Variants in KCNQ1 observed in about 807,000 individuals in gnomAD.
The protein encoded by KCNQ1 is potassium voltage-gated channel subfamily KQT member 1.
KCNQ1 carries 49 observed loss-of-function variants against 72.4 expected under a neutral mutation model. The observed-to-expected ratio is 0.68, with a 90% CI of 0.54 to 0.86. KCNQ1 has a LOEUF of 0.86. Among genes scored for constraint, KCNQ1 ranks in the 40% least tolerant of loss-of-function variants. The pLI, the probability that KCNQ1 is intolerant of heterozygous loss-of-function variation, is 0.00. For missense variants in KCNQ1, 790 were observed against 945.1 expected, an observed-to-expected ratio of 0.84 and a Z score of 2.15; for synonymous variants, 450 against 412.6, an observed-to-expected ratio of 1.09 and a Z score of -1.10.
chr11:2,696,884 TTTTG>T, intron 11 of KCNQ1: 1 of 398,578 alleles, frequency 2.5e-6, no homozygotes, highest in Non-Finnish European at 4.4e-6. Context: ...TGTGGTTTGT[TTTTG>T]TTTTTTGTTT....
intron 1 of KCNQ1, among the ~76,000 whole-genome samples, chr11:2,510,801 G>A (rs1404442158): frequency 6.6e-6 from 1 of 152,186 alleles, no homozygotes; most frequent in Non-Finnish European, 1.5e-5. Context: ...ACGCTCAGAT[G>A]CACTCCTGGG....
chr11:2,619,394 T>C (rs1400981227), intron 10 of KCNQ1: 20 of 398,474 alleles, frequency 5.0e-5, no homozygotes, highest in Non-Finnish European at 3.5e-5. Flanking sequence ...GATGTTCAAC[T>C]TCATCAAATA....
At chr11:2,587,837 GGCCATACACCCGAT>G in intron 9 of KCNQ1, 145 bp downstream of exon 9, 3 of 1,165,988 alleles carry the variant, frequency 2.6e-6, no homozygotes, top group Non-Finnish European at 3.7e-6. Context: ...CGGGACACTG[GGCCATACACCCGAT>G]GCTAGGTTCC....
intron 1 of KCNQ1, among the ~76,000 whole-genome samples, chr11:2,512,353 C>T (rs1005245193): frequency 6.6e-6 from 1 of 152,170 alleles, no homozygotes; most frequent in African/African-American, 2.4e-5. Context: ...AAAAGGGATG[C>T]CCCCGAGATG....
rs1423119053 is a variant in KCNQ1, at chr11:2,715,085, C to T, written c.1514+53004C>T. Among the ~76,000 whole-genome samples, 1 of 152,092 alleles carries T rather than the reference C, an allele frequency of 6.6e-6. No homozygotes were observed. Among genetic ancestry groups the T allele is most frequent in the African/African-American group, 2.4e-5 (1 of 41,390 alleles). The stretch of plus-strand genomic sequence containing the variant: ...AGGGTGGGGTCCGGCGGTAATGCCA[C>T]TGATGATACTTGGCGAGGATGACCG... On this transcript the variant is annotated intron_variant, in intron 11 of 15. Transcript: ENST00000155840. The surrounding 1 kb of genome is among the most constrained non-coding windows in gnomAD (Gnocchi z 4.9).
intron 10 of KCNQ1, chr11:2,660,913 T>C (rs1393408616): frequency 2.5e-6 from 1 of 398,546 alleles, no homozygotes; most frequent in Non-Finnish European, 4.4e-6. Flanking sequence ...AGCTTAAAAC[T>C]ATAAGAGCCT....
intron 11 of KCNQ1, among the ~76,000 whole-genome samples, chr11:2,716,372 GC>G (rs545061312): frequency 8.3e-4 from 126 of 152,320 alleles, no homozygotes; most frequent in African/African-American, 2.9e-3. Context: ...TGCGTGGTCA[GC>G]TGGCCAAGCC....
chr11:2,667,579 G>C, intron 11 of KCNQ1: 1 of 395,098 alleles, frequency 2.5e-6, no homozygotes, highest in Non-Finnish European at 4.4e-6. Context: ...GGGGCAGGGG[G>C]TCGGGGCGGG....
rs577650130 is a variant in KCNQ1 at position 2,762,187 on chromosome 11, G to A, written c.1515-6657G>A. 2.0e-5 allele frequency among the ~76,000 whole-genome samples: 3 copies of A among 152,320 alleles called. No homozygotes were observed. In the South Asian group the frequency reaches 6.2e-4, roughly 32 times the overall value. On this transcript the variant is annotated intron_variant, in intron 11 of 15. Coordinates refer to ENST00000155840, the MANE Select transcript of KCNQ1 (RefSeq NM_000218.3). The surrounding 1 kb of genome is among the most constrained non-coding windows in gnomAD (Gnocchi z 4.3). ...TCTCGTGTGTCAGGCCTGGGAGGGG[G>A]GCCTTCATGAGACCATCACGGAGAT...
At chr11:2,520,967 C>G (rs1295595561) in intron 1 of KCNQ1, among the ~76,000 whole-genome samples, 1 of 152,134 alleles carries the variant, frequency 6.6e-6, no homozygotes, top group African/African-American at 2.4e-5. Context: ...TTGAACATTG[C>G]TCGATCTCAT....
rs529783506 is a variant in KCNQ1, at chr11:2,543,998, C to T, written c.477+15980C>T. On this transcript the variant is annotated intron_variant, in intron 2 of 15. Coordinates refer to ENST00000155840, the MANE Select transcript of KCNQ1 (RefSeq NM_000218.3). The surrounding 1 kb of genome is among the most constrained non-coding windows in gnomAD (Gnocchi z 5.6). ...CTGGGATTGTTACAGCCCTATAATA[C>T]GGTTAAAATAAGTTAGGGTAATTTA... 2.0e-3 allele frequency among the ~76,000 whole-genome samples: 297 copies of T among 152,240 alleles called. No homozygotes were observed. Among genetic ancestry groups the T allele is most frequent in the African/African-American group, 6.7e-3 (278 of 41,534 alleles).
At chr11:2,632,193 A>AAG in intron 10 of KCNQ1, 2 of 397,798 alleles carry the variant, frequency 5.0e-6, no homozygotes, top group East Asian at 7.1e-5. Context: ...AAAAAAAAAA[A>AAG]AAAAAAAAAA....
intron 10 of KCNQ1, among the ~76,000 whole-genome samples, chr11:2,605,305 A>G (rs967250115): frequency 6.6e-6 from 1 of 152,136 alleles, no homozygotes; most frequent in South Asian, 2.1e-4. Context: ...GAAGTCCAAT[A>G]TATCTACTTT....
chr11:2,635,741 G>A (rs1166518252), intron 10 of KCNQ1: 4 of 152,268 alleles, frequency 2.6e-5, no homozygotes, highest in Admixed American at 1.3e-4. Context: ...TAGCTTGATG[G>A]GGATGGCATT....
chr11:2,802,461 T>A (rs889427682), intron 15 of KCNQ1, among the ~76,000 whole-genome samples: 12 of 152,214 alleles, frequency 7.9e-5, no homozygotes, highest in Non-Finnish European at 1.5e-4. Flanking sequence ...GCCTGCCCAA[T>A]GTCTATTAAT....
In KCNQ1 at chr11:2,725,270, A is replaced by G. The variant is rs953343389; in HGVS notation, c.1515-43574A>G. On this transcript the variant is annotated intron_variant, in intron 11 of 15. Coordinates refer to ENST00000155840, the MANE Select transcript of KCNQ1 (RefSeq NM_000218.3). The surrounding 1 kb of genome is among the most constrained non-coding windows in gnomAD (Gnocchi z 7.2). ...CCGGGACAGACGGCTGGACTTGTGA[A>G]ACACTCCAGGGTCGGGGGCTCAGCC... 6.6e-6 allele frequency among the ~76,000 whole-genome samples: 1 copy of G among 152,202 alleles called. No homozygotes were observed. Among genetic ancestry groups the G allele is most frequent in the African/African-American group, 2.4e-5 (1 of 41,458 alleles).
intron 10 of KCNQ1, chr11:2,637,309 G>T (rs1328512629): frequency 2.6e-5 from 4 of 152,068 alleles, no homozygotes; most frequent in African/African-American, 9.7e-5. Context: ...GCTTTCTCTT[G>T]TGGGCATTTA....
At chr11:2,675,480 A>C (rs1850277447) in intron 11 of KCNQ1, 2 of 398,698 alleles carry the variant, frequency 5.0e-6, no homozygotes, top group South Asian at 2.5e-4. Context: ...TAAAAACGTA[A>C]ATATTTCATG....
Position 2,659,073 on chromosome 11 carries a change from C to A in KCNQ1, c.1394-2888C>A, listed in dbSNP as rs185801652. 1.8e-4 allele frequency: 70 copies of A among 398,594 alleles called. No homozygotes were observed. Among genetic ancestry groups the A allele is most frequent in the South Asian group, 7.6e-4 (6 of 7,850 alleles). 24.7% of individuals were successfully genotyped at this position (398,594 alleles called of 1,614,324 possible). On this transcript the variant is annotated intron_variant, in intron 10 of 15. Coordinates refer to ENST00000155840, the MANE Select transcript of KCNQ1 (RefSeq NM_000218.3). The surrounding 1 kb of genome is among the most constrained non-coding windows in gnomAD (Gnocchi z 4.3). ...TTGTTTGTAACACGCTCATCATAGT[C>A]TGCTTTTCATCGTAGGGTCCTCCAA...
Sources: allele counts gnomAD v4.1 joint callset (sites outside exome capture counted in the v4.1 genomes callset), GRCh38; gene constraint gnomAD v4.1.1; non-coding constraint Gnocchi (gnomAD v3.1); transcripts MANE v1.5; gene names NCBI Gene and HGNC (gene_info 2026-07-23, HGNC 2026-07-21).